The following TMEM260 variants were observed in gnomAD, a reference collection of about 807,000 sequenced individuals.
The protein encoded by TMEM260 is transmembrane protein 260, also known as protein O-mannosyl-transferase TMEM260.
A neutral mutation model predicts 88.9 loss-of-function variants in TMEM260; 82 were observed. The ratio of observed to expected loss-of-function variants is 0.92; its 90% CI spans 0.77 to 1.11. The LOEUF (loss-of-function observed/expected upper bound fraction) is 1.11, where lower values mean the gene tolerates loss of function less well. TMEM260 is among the 50% of genes least tolerant of loss of function. The pLI is 0.00. For missense variants in TMEM260, 902 were observed against 853.4 expected, an observed-to-expected ratio of 1.06 and a Z score of -0.71; for synonymous variants, 314 against 309.3, an observed-to-expected ratio of 1.02 and a Z score of -0.16.
At chr14:56,622,401 A>G (rs916789883) in intron 11 of TMEM260, among the ~76,000 whole-genome samples, 4 of 151,942 alleles carry the variant, frequency 2.6e-5, no homozygotes, top group African/African-American at 9.7e-5. Context: ...AACCATTCAA[A>G]TTTACCTTGC....
intron 5 of TMEM260, among the ~76,000 whole-genome samples, chr14:56,607,998 T>G (rs1351075178): frequency 6.6e-6 from 1 of 152,246 alleles, no homozygotes; most frequent in Non-Finnish European, 1.5e-5. Context: ...AATAAGCATT[T>G]ACTTTTTTAA....
In TMEM260 at chr14:56,636,421, T is replaced by C. The variant is rs879130816; in HGVS notation, c.1779-87T>C. 7 of 984,348 alleles carry C rather than the reference T, an allele frequency of 7.1e-6. No individual in the cohort carries two copies. In the South Asian group the frequency reaches 7.9e-5, roughly 11 times the overall value. The allele number at this position is 984,348 out of a possible 1,614,324, so 61.0% of individuals were successfully genotyped here. On this transcript the variant is annotated intron_variant, in intron 14 of 15. Coordinates refer to ENST00000261556, the MANE Select transcript of TMEM260 (RefSeq NM_017799.4). The stretch of plus-strand genomic sequence containing the variant: ...AATAAAGGATTTTGTACATCCCTTA[T>C]CAGTGGAGAAGCCTGGAAGATTTAG...
rs139693869 is a variant in TMEM260, at chr14:56,617,855, C to T, written c.1056+558C>T. On this transcript the variant is annotated intron_variant, in intron 9 of 15. Transcript: ENST00000261556. ...AATAAATAATACCCTACTTGATCAC[C>T]TGAGTTCTGAATCAATTGAGAAACA... 6.0e-3 allele frequency among the ~76,000 whole-genome samples: 915 copies of T among 152,300 alleles called. 10 individuals are homozygous for T. Among genetic ancestry groups the T allele is most frequent in the African/African-American group, 0.021 (879 of 41,550 alleles).
chr14:56,586,343 C>G (rs1307078807), intron 3 of TMEM260, among the ~76,000 whole-genome samples: 1 of 152,092 alleles, frequency 6.6e-6, no homozygotes, highest in Non-Finnish European at 1.5e-5. Context: ...ATGTTGTATA[C>G]TTTCTGAAAT....
intron 3 of TMEM260, among the ~76,000 whole-genome samples, chr14:56,599,185 A>G (rs1000792462): frequency 6.6e-6 from 1 of 151,978 alleles, no homozygotes; most frequent in Non-Finnish European, 1.5e-5. Flanking sequence ...TTTTCTATTC[A>G]GTCTAGGCCC....
intron 15 of TMEM260, among the ~76,000 whole-genome samples, chr14:56,644,848 C>T (rs558784062): frequency 1.3e-5 from 2 of 152,258 alleles, no homozygotes; most frequent in South Asian, 4.1e-4. Flanking sequence ...TATAAACAGA[C>T]ACTTCTCAAA....
intron 3 of TMEM260, 94 bp downstream of exon 3, chr14:56,586,006 C>A: frequency 7.8e-7 from 1 of 1,280,238 alleles, no homozygotes; most frequent in Admixed American, 2.3e-5. Context: ...TCTTTTGTTG[C>A]TTGGTTTCCC....
At chr14:56,581,258 A>G (rs1227823968) in intron 1 of TMEM260, among the ~76,000 whole-genome samples, 1 of 152,224 alleles carries the variant, frequency 6.6e-6, no homozygotes, top group African/African-American at 2.4e-5. Context: ...TCAAGGGGGA[A>G]GGATTACACA....
At position 56,600,834 on chromosome 14, in the gene TMEM260, C is replaced by CT. The variant is rs562967119; in HGVS notation, c.345-2980dup. On this transcript the variant is annotated intron_variant, in intron 3 of 15. Transcript: ENST00000261556. The stretch of plus-strand genomic sequence containing the variant: ...GATTTCCAGGCAAGTTCATCTGATG[C>CT]TAAAAAGGTTGAGATTTTAGATTTG... Among the ~76,000 whole-genome samples the CT allele has an allele frequency of 9.3e-4, 142 of 152,266 alleles. 1 individual carries two copies. Among genetic ancestry groups the CT allele is most frequent in the Non-Finnish European group, 1.6e-3 (111 of 68,016 alleles).
At chr14:56,598,289 G>A (rs1386209386) in intron 3 of TMEM260, among the ~76,000 whole-genome samples, 1 of 152,166 alleles carries the variant, frequency 6.6e-6, no homozygotes, top group Non-Finnish European at 1.5e-5. Context: ...AAACCAGGGG[G>A]ATATGCGGTC....
At chr14:56,604,114 T>A in intron 4 of TMEM260, 122 bp downstream of exon 4, 1 of 919,966 alleles carries the variant, frequency 1.1e-6, no homozygotes, top group Non-Finnish European at 1.5e-6. Flanking sequence ...TAATCTAGCA[T>A]GCTGAGAGAG....
chr14:56,585,554 T>C (rs551374590), intron 2 of TMEM260: 2 of 531,314 alleles, frequency 3.8e-6, no homozygotes, highest in East Asian at 3.1e-5. Flanking sequence ...TGACGCACCA[T>C]GTGATAGACG....
chr14:56,630,304 G>T (rs1173147683), intron 12 of TMEM260, among the ~76,000 whole-genome samples: 1 of 151,952 alleles, frequency 6.6e-6, no homozygotes, highest in Non-Finnish European at 1.5e-5. Context: ...ACAAAATTTG[G>T]GAATTTTTCA....
chr14:56,635,170 AAG>A (rs1888946735), intron 14 of TMEM260, among the ~76,000 whole-genome samples: 1 of 152,200 alleles, frequency 6.6e-6, no homozygotes, highest in South Asian at 2.1e-4. Context: ...CATTTTATAA[AAG>A]AACAAACTGG....
In TMEM260 at chr14:56,633,084, A is replaced by G; in HGVS notation, c.1637A>G (p.Lys546Arg). ...CTTTGGCCATGGGGGTCTTGTGACAAATTAGTTCCTTTGGAGATTGTATTC... is the reference window on the plus strand; with the variant it reads ...CTTTGGCCATGGGGGTCTTGTGACAGATTAGTTCCTTTGGAGATTGTATTC... ...YSLWPWGSCD[K>R]LVPLEIVFNP... Residue 546 changes from lysine (K) to arginine (R), a missense_variant, in exon 13 of 16, where the codon AAA (lysine) becomes AGA (arginine). Lys to Arg is a conservative substitution (Grantham distance 26, BLOSUM62 2). Coordinates refer to ENST00000261556, the MANE Select transcript of TMEM260 (RefSeq NM_017799.4). The G allele has an allele frequency of 6.2e-7, 1 of 1,613,940 alleles. No homozygotes were observed. Among genetic ancestry groups the G allele is most frequent in the Non-Finnish European group, 8.5e-7 (1 of 1,179,920 alleles).
At chr14:56,644,510 G>A (rs1162330376) in intron 15 of TMEM260, among the ~76,000 whole-genome samples, 1 of 152,016 alleles carries the variant, frequency 6.6e-6, no homozygotes, top group African/African-American at 2.4e-5. Context: ...AATTCAAGAT[G>A]GATTAAAGAC....
Position 56,615,954 on chromosome 14 carries a change from A to G in TMEM260, c.868A>G (p.Thr290Ala), listed in dbSNP as rs1340406969. ...GATTGTTTTTTGCAGTTCTCAAGTAACAAATATGAGGACCGAACTCTCATT... is the reference window on the plus strand; with the variant it reads ...GATTGTTTTTTGCAGTTCTCAAGTAGCAAATATGAGGACCGAACTCTCATT... ...SMSEILLSQVTNMRTELSFNI... is the reference protein window; with the variant it reads ...SMSEILLSQVANMRTELSFNI... The change falls in exon 8 of 16, where the codon ACA becomes GCA. Residue 290 changes from threonine to alanine, a missense_variant. Thr to Ala is a moderately conservative substitution (Grantham distance 58). Transcript: ENST00000261556. The G allele has an allele frequency of 2.5e-6, 4 of 1,612,708 alleles. No homozygotes were observed. The highest frequency in any genetic ancestry group is 3.4e-6 in the Non-Finnish European group (4 of 1,178,964).
chr14:56,580,083 C>T lies in TMEM260; in HGVS notation c.160+9C>T, dbSNP rs1353517827. On this transcript the variant is annotated intron_variant, in intron 1 of 15. Transcript: ENST00000261556. ...ACCGGGGGGAGACTCCGGTAAAGTACTCGCAGGGTTGCCCCTTCTGTCCCT... is the reference window on the plus strand; with the variant it reads ...ACCGGGGGGAGACTCCGGTAAAGTATTCGCAGGGTTGCCCCTTCTGTCCCT... The T allele has an allele frequency of 2.4e-6, 3 of 1,250,712 alleles. No homozygotes were observed. The highest frequency in any genetic ancestry group is 1.5e-5 in the African/African-American group (1 of 64,708). 77.5% of individuals were successfully genotyped at this position (1,250,712 alleles called of 1,614,324 possible).
At chr14:56,617,525 A>G (rs1366257327) in intron 9 of TMEM260, among the ~76,000 whole-genome samples, 2 of 152,220 alleles carry the variant, frequency 1.3e-5, no homozygotes, top group African/African-American at 2.4e-5. Context: ...GTAAATGTAA[A>G]GTAGATTTAA....
Sources: allele counts gnomAD v4.1 joint callset (sites outside exome capture counted in the v4.1 genomes callset), GRCh38; gene constraint gnomAD v4.1.1; transcripts MANE v1.5; gene names NCBI Gene and HGNC (gene_info 2026-07-23, HGNC 2026-07-21).